The following TENM3 variants were observed in gnomAD, a reference collection of about 807,000 sequenced individuals.
The protein encoded by TENM3 is teneurin transmembrane protein 3.
Under a neutral mutation model 255.1 loss-of-function variants are expected in TENM3, and 63 were observed. That is an observed-to-expected ratio of 0.25 (90% CI 0.20 to 0.30). The LOEUF (loss-of-function observed/expected upper bound fraction) is 0.30. Among genes scored for constraint, TENM3 ranks in the 10% least tolerant of loss-of-function variants. The pLI is 1.00. For missense variants in TENM3, 2,929 were observed against 3,461.1 expected (o/e 0.85, Z 3.86); for synonymous variants, 1,306 against 1,322.3 (o/e 0.99, Z 0.27).
intron 5 of TENM3, among the ~76,000 whole-genome samples, chr4:182,639,011 A>G (rs566590339): frequency 6.6e-6 from 1 of 152,108 alleles, no homozygotes; most frequent in Non-Finnish European, 1.5e-5. Flanking sequence ...CAGATTTCAG[A>G]TTTTTGCTTA....
At chr4:182,175,495 A>T (rs1242505009) in intron 1 of TENM3, among the ~76,000 whole-genome samples, 1 of 152,092 alleles carries the variant, frequency 6.6e-6, no homozygotes, top group Non-Finnish European at 1.5e-5. Flanking sequence ...ACCAGAATGA[A>T]GGGGCAGACC....
At chr4:181,934,302 C>T in the TENM3 span, among the ~76,000 whole-genome samples, 6 of 152,040 alleles carry the variant, frequency 3.9e-5, no homozygotes, top group Admixed American at 2.0e-4. Context: ...TTTTAAAAGG[C>T]GGTGCATATT....
the TENM3 span, among the ~76,000 whole-genome samples, chr4:182,070,204 C>T: frequency 6.6e-6 from 1 of 152,142 alleles, no homozygotes; most frequent in Non-Finnish European, 1.5e-5. Context: ...TGCTCATGTC[C>T]ATCTCCCCAC....
the TENM3 span, among the ~76,000 whole-genome samples, chr4:181,891,457 C>T: frequency 1.3e-5 from 2 of 152,178 alleles, no homozygotes; most frequent in Non-Finnish European, 2.9e-5. Context: ...TTCCCTCCTT[C>T]ACAACCTCTT....
rs574208379 is a variant in TENM3 at position 182,494,512 on chromosome 4, G to A, written c.512-106412G>A. ...TAAGGACAAAGCAAGTATATATAGCGTTCAGTTTCAGGTATCCACTGGGGG... is the reference window on the plus strand; with the variant it reads ...TAAGGACAAAGCAAGTATATATAGCATTCAGTTTCAGGTATCCACTGGGGG... On this transcript the variant is annotated intron_variant, in intron 3 of 27. Transcript: ENST00000511685. 9.2e-5 allele frequency among the ~76,000 whole-genome samples: 14 copies of A among 152,210 alleles called. No individual in the cohort carries two copies. In the South Asian group the frequency reaches 2.7e-3, roughly 29 times the overall value.
intron 3 of TENM3, among the ~76,000 whole-genome samples, chr4:182,499,484 C>T (rs1463085994): frequency 6.6e-6 from 1 of 152,074 alleles, no homozygotes; most frequent in Non-Finnish European, 1.5e-5. Context: ...AAGCTGCCTA[C>T]CCAACTCTAT....
chr4:181,525,038 T>C, the TENM3 span, among the ~76,000 whole-genome samples: 34 of 152,314 alleles, frequency 2.2e-4, no homozygotes, highest in Non-Finnish European at 4.3e-4. Context: ...CATGAACCTA[T>C]TGTTTAATGC....
chr4:181,879,607 C>T, the TENM3 span, among the ~76,000 whole-genome samples: 1 of 152,162 alleles, frequency 6.6e-6, no homozygotes, highest in African/African-American at 2.4e-5. Flanking sequence ...TTTGAGAAGA[C>T]ATGGTTTTTA....
chr4:182,328,721 C>T (rs963794130), intron 2 of TENM3, among the ~76,000 whole-genome samples: 4 of 152,076 alleles, frequency 2.6e-5, no homozygotes, highest in South Asian at 2.1e-4. Context: ...CTCTTTGGGC[C>T]GTGCCGTCTC....
chr4:181,821,308 T>C, the TENM3 span, among the ~76,000 whole-genome samples: 2 of 152,144 alleles, frequency 1.3e-5, no homozygotes, highest in African/African-American at 4.8e-5. Context: ...AAAAAAGCCC[T>C]CCCAGATTCC....
At chr4:182,221,961 A>G (rs896024) in intron 1 of TENM3, among the ~76,000 whole-genome samples, 50,502 of 152,008 alleles carry the variant, frequency 0.33, 8,813 homozygotes, top group South Asian at 0.43. Flanking sequence ...TTTTGCCTTG[A>G]CATATTCATC....
At chr4:182,644,621 T>A (rs75926696) in intron 5 of TENM3, among the ~76,000 whole-genome samples, 7,132 of 152,252 alleles carry the variant, frequency 0.047, 239 homozygotes, top group East Asian at 0.1. Flanking sequence ...TGAAAAAAAA[T>A]TCCTTCATAA....
the TENM3 span, among the ~76,000 whole-genome samples, chr4:181,804,638 A>G: frequency 1.3e-3 from 198 of 152,300 alleles, 2 homozygotes; most frequent in South Asian, 0.037. Context: ...TAAATTTAGG[A>G]TAGAGATGTG....
chr4:181,826,002 G>T, the TENM3 span, among the ~76,000 whole-genome samples: 2 of 152,242 alleles, frequency 1.3e-5, no homozygotes, highest in Non-Finnish European at 2.9e-5. Context: ...GCCAACTCGT[G>T]CATGTTTTAA....
the TENM3 span, among the ~76,000 whole-genome samples, chr4:182,115,167 T>G: frequency 6.6e-6 from 1 of 152,040 alleles, no homozygotes; most frequent in Non-Finnish European, 1.5e-5. Flanking sequence ...GGTGACAGAG[T>G]AAGACTCTGT....
the TENM3 span, among the ~76,000 whole-genome samples, chr4:181,863,753 G>C: frequency 6.6e-6 from 1 of 152,020 alleles, no homozygotes; most frequent in Non-Finnish European, 1.5e-5. Context: ...TTAGCCTCTT[G>C]ATTGTGGCTC....
At chr4:181,448,361 C>T in the TENM3 span, among the ~76,000 whole-genome samples, 1 of 149,762 alleles carries the variant, frequency 6.7e-6, no homozygotes, top group African/African-American at 2.5e-5. Flanking sequence ...TTAGTAGAGA[C>T]GGGGTTTCAC....
chr4:181,543,534 C>T, the TENM3 span, among the ~76,000 whole-genome samples: 17 of 152,308 alleles, frequency 1.1e-4, no homozygotes, highest in African/African-American at 3.9e-4. Context: ...ATGACCAACT[C>T]TCTCAGCTTG....
chr4:181,687,300 T>A, the TENM3 span, among the ~76,000 whole-genome samples: 7 of 152,214 alleles, frequency 4.6e-5, no homozygotes, highest in Non-Finnish European at 1.0e-4. Context: ...ATGAAACGAT[T>A]TAATCCCACA....
Sources: allele counts gnomAD v4.1 joint callset (sites outside exome capture counted in the v4.1 genomes callset), GRCh38; gene constraint gnomAD v4.1.1; transcripts MANE v1.5; gene names NCBI Gene and HGNC (gene_info 2026-07-23, HGNC 2026-07-21).